The following LRRC4C variants were observed in gnomAD, a reference collection of about 807,000 sequenced individuals.
LRRC4C encodes the protein leucine-rich repeat-containing protein 4C.
LRRC4C carries 5 observed loss-of-function variants against 33.6 expected under a neutral mutation model. The ratio of observed to expected loss-of-function variants is 0.15; its 90% CI spans 0.08 to 0.31. The LOEUF (loss-of-function observed/expected upper bound fraction) is 0.31, where lower values mean the gene tolerates loss of function less well. Ranked by LOEUF, LRRC4C falls within the 10% of genes least tolerant of loss-of-function variation. The pLI, the probability that LRRC4C is intolerant of heterozygous loss-of-function variation, is 1.00. For synonymous variants in LRRC4C, 329 were observed against 302.0 expected (o/e 1.09, Z -0.93); for missense variants, 560 against 796.7 (o/e 0.70, Z 3.58).
intron 2 of LRRC4C, among the ~76,000 whole-genome samples, chr11:40,844,253 C>A (rs1415719061): frequency 4.7e-5 from 7 of 150,448 alleles, no homozygotes; most frequent in African/African-American, 1.2e-4. Context: ...AAAAAAAATA[C>A]AAAATAAAAA....
At chr11:40,662,806 T>C (rs919648697) in intron 2 of LRRC4C, among the ~76,000 whole-genome samples, 11 of 152,220 alleles carry the variant, frequency 7.2e-5, no homozygotes, top group Admixed American at 5.9e-4. Flanking sequence ...CAAAAGGGAA[T>C]CATAATGGCA....
chr11:40,868,416 T>C (rs1954474885), intron 2 of LRRC4C, among the ~76,000 whole-genome samples: 1 of 152,146 alleles, frequency 6.6e-6, no homozygotes, highest in African/African-American at 2.4e-5. Flanking sequence ...TCCTGTTTGT[T>C]CTCATTCCCA....
intron 1 of LRRC4C, among the ~76,000 whole-genome samples, chr11:41,212,809 A>G (rs1946878369): frequency 6.6e-6 from 1 of 152,226 alleles, no homozygotes; most frequent in Non-Finnish European, 1.5e-5. Flanking sequence ...ATGGCTGCAT[A>G]GTATTCCATG....
In LRRC4C at chr11:41,263,907, G is replaced by A. The variant is rs1420399716; in HGVS notation, c.-496+195524C>T. ...TAGCCATTTTAGACTTAAGATTGGG[G>A]GAAGATAGCATGTGCGGGATGAGAT... On this transcript the variant is annotated intron_variant, in intron 1 of 6. Transcript: ENST00000528697. 2.0e-5 allele frequency among the ~76,000 whole-genome samples: 3 copies of A among 152,058 alleles called. No individual in the cohort carries two copies. In the East Asian group the frequency reaches 5.8e-4, roughly 29 times the overall value.
intron 3 of LRRC4C, among the ~76,000 whole-genome samples, chr11:40,514,578 T>A (rs1376612024): frequency 6.6e-6 from 1 of 152,218 alleles, no homozygotes; most frequent in Non-Finnish European, 1.5e-5. Context: ...ATTATCAGAA[T>A]TATTGACACT....
At chr11:40,970,152 T>C (rs1555021974) in intron 1 of LRRC4C, among the ~76,000 whole-genome samples, 2 of 152,150 alleles carry the variant, frequency 1.3e-5, no homozygotes, top group Non-Finnish European at 2.9e-5. Context: ...CAGAGCCTTC[T>C]AGCGAACCTC....
At chr11:41,214,575 CAAAAAAAA>C (rs547167050) in intron 1 of LRRC4C, among the ~76,000 whole-genome samples, 6 of 34,754 alleles carry the variant, frequency 1.7e-4, no homozygotes, top group African/African-American at 2.4e-4. Flanking sequence ...ACTAAAAATA[CAAAAAAAA>C]AAAAAAAAAA....
intron 1 of LRRC4C, among the ~76,000 whole-genome samples, chr11:40,977,301 C>G (rs771824184): frequency 2.0e-5 from 3 of 152,134 alleles, no homozygotes; most frequent in Non-Finnish European, 4.4e-5. Flanking sequence ...ATCTGATAAC[C>G]AGGGTGGCAC....
chr11:40,153,626 C>G (rs1301409011), intron 5 of LRRC4C, among the ~76,000 whole-genome samples: 1 of 151,220 alleles, frequency 6.6e-6, no homozygotes, highest in East Asian at 1.9e-4. Context: ...TCTTTGGACA[C>G]ACTTTTAGAA....
At chr11:40,724,872 G>A (rs899302120) in intron 2 of LRRC4C, among the ~76,000 whole-genome samples, 2 of 152,098 alleles carry the variant, frequency 1.3e-5, no homozygotes, top group African/African-American at 4.8e-5. Flanking sequence ...AAAAAAAGAA[G>A]ATACAAATAA....
chr11:41,186,625 C>G (rs998329536), intron 1 of LRRC4C, among the ~76,000 whole-genome samples: 1 of 152,050 alleles, frequency 6.6e-6, no homozygotes, highest in South Asian at 2.1e-4. Flanking sequence ...AACACTGGGT[C>G]GGAGGTGGGG....
At chr11:40,979,705 G>A (rs1343545838) in intron 1 of LRRC4C, among the ~76,000 whole-genome samples, 1 of 152,104 alleles carries the variant, frequency 6.6e-6, no homozygotes, top group African/African-American at 2.4e-5. Context: ...AAAGATAAAC[G>A]AAAATTTTCT....
At chr11:41,147,460 T>A (rs1013521277) in intron 1 of LRRC4C, among the ~76,000 whole-genome samples, 1 of 152,222 alleles carries the variant, frequency 6.6e-6, no homozygotes, top group Non-Finnish European at 1.5e-5. Context: ...TTATGCTTGG[T>A]ACATCAACCT....
At chr11:41,255,333 T>C (rs1948765132) in intron 1 of LRRC4C, among the ~76,000 whole-genome samples, 1 of 152,004 alleles carries the variant, frequency 6.6e-6, no homozygotes, top group African/African-American at 2.4e-5. Context: ...TTTAAAATAC[T>C]GTCAACTAAT....
rs1375850785 is a variant in LRRC4C at position 40,949,835 on chromosome 11, C to A, written c.-495-16112G>T. On this transcript the variant is annotated intron_variant, in intron 1 of 6. Transcript: ENST00000528697. ...AACGAGCAAAATAACCAGCTAACAT[C>A]ATAATGACAGGATCAAATTCACACA... Among the ~76,000 whole-genome samples the A allele has an allele frequency of 2.0e-5, 3 of 151,912 alleles. No individual in the cohort carries two copies. In the East Asian group the frequency reaches 5.8e-4, roughly 29 times the overall value.
At chr11:40,996,196 A>G (rs916157037) in intron 1 of LRRC4C, among the ~76,000 whole-genome samples, 17 of 152,182 alleles carry the variant, frequency 1.1e-4, no homozygotes, top group Non-Finnish European at 1.9e-4. Flanking sequence ...CATCAGAGGC[A>G]TTAGGCAGAT....
At chr11:40,930,786 A>C (rs534266040) in intron 2 of LRRC4C, among the ~76,000 whole-genome samples, 3 of 152,230 alleles carry the variant, frequency 2.0e-5, no homozygotes, top group Admixed American at 6.5e-5. Flanking sequence ...TCCAAGTCTA[A>C]AAATGGGTTA....
At position 40,547,955 on chromosome 11, in the gene LRRC4C, C is replaced by T. The variant is rs112209672; in HGVS notation, c.-270+100187G>A. ...GCGAGCTCTGAACAAAATGGACCAA[C>T]GCTCTATTCCCATAAGGCTTTTAAT... On this transcript the variant is annotated intron_variant, in intron 3 of 6. Transcript: ENST00000528697. Among the ~76,000 whole-genome samples, 946 of 152,204 alleles carry T rather than the reference C, an allele frequency of 6.2e-3. 7 individuals carry two copies. The highest frequency in any genetic ancestry group is 0.01 in the Non-Finnish European group (680 of 67,988).
At chr11:40,611,639 T>C (rs182379311) in intron 3 of LRRC4C, among the ~76,000 whole-genome samples, 114 of 151,898 alleles carry the variant, frequency 7.5e-4, no homozygotes, top group African/African-American at 2.7e-3. Flanking sequence ...ATATTAAAGA[T>C]ACGTAAGAAA....
Sources: allele counts gnomAD v4.1 joint callset (sites outside exome capture counted in the v4.1 genomes callset), GRCh38; gene constraint gnomAD v4.1.1; transcripts MANE v1.5; gene names NCBI Gene and HGNC (gene_info 2026-07-23, HGNC 2026-07-21).